Variants in RBBP6 observed in about 807,000 individuals in gnomAD.
RBBP6 encodes the protein E3 ubiquitin-protein ligase RBBP6.
In RBBP6, 25 loss-of-function variants were observed where a neutral mutation model predicts 167.7. The observed-to-expected ratio is 0.15, with a 90% CI of 0.11 to 0.21. The LOEUF (loss-of-function observed/expected upper bound fraction) is 0.21. Ranked by LOEUF, RBBP6 falls within the 10% of genes least tolerant of loss-of-function variation. The pLI is 1.00. For synonymous variants in RBBP6, 789 were observed against 735.8 expected, an observed-to-expected ratio of 1.07 and a Z score of -1.17; for missense variants, 1,868 against 2,134.2, an observed-to-expected ratio of 0.88 and a Z score of 2.46.
intron 4 of RBBP6, 148 bp from the exon 5 acceptor site, chr16:24,555,467 G>A: frequency 1.6e-6 from 1 of 640,396 alleles, no homozygotes; most frequent in Non-Finnish European, 2.7e-6. Context: ...GAATTCCCAA[G>A]TGCCTCTTCC....
In RBBP6 at chr16:24,569,384, T is replaced by C. The variant is rs779879292; in HGVS notation, c.2694T>C (p.Tyr898=). 1.1e-5 allele frequency: 17 copies of C among 1,613,578 alleles called. No individual in the cohort carries two copies. Among genetic ancestry groups the C allele is most frequent in the Non-Finnish European group, 1.4e-5 (17 of 1,179,966 alleles). The change falls in exon 17 of 18, where the codon TAT becomes TAC. Residue 898 remains tyrosine (Y), a synonymous_variant. Transcript: ENST00000319715. ...SHRSRNIGSN[Y]PEKLSARDGH... Reference sequence around the variant, plus strand: ...GAAGTCGAAACATAGGTAGCAACTATCCAGAAAAGCTTTCAGCAAGAGATG... The same window carrying C: ...GAAGTCGAAACATAGGTAGCAACTACCCAGAAAAGCTTTCAGCAAGAGATG...
Position 24,571,492 on chromosome 16 carries a change from G to A in RBBP6, c.4426G>A (p.Asp1476Asn). The change falls in exon 18 of 18, where the codon GAC becomes AAC. Residue 1476 changes from aspartate (D) to asparagine (N), a missense_variant. Asp to Asn is a conservative substitution (Grantham distance 23). Coordinates refer to ENST00000319715, the MANE Select transcript of RBBP6 (RefSeq NM_006910.5). ...CACTCCCAATAGAGACAAAAAAACTGACTATGACACCAGAGAGTATTCAAG... is the reference window on the plus strand; with the variant it reads ...CACTCCCAATAGAGACAAAAAAACTAACTATGACACCAGAGAGTATTCAAG... ...DFTPNRDKKT[D>N]YDTREYSSSK... 1.2e-6 allele frequency: 2 copies of A among 1,612,406 alleles called. No homozygotes were observed. Among genetic ancestry groups the A allele is most frequent in the East Asian group, 4.5e-5 (2 of 44,858 alleles).
chr16:24,559,309 G>A (rs1238164008), intron 7 of RBBP6, among the ~76,000 whole-genome samples, 196 bp from the exon 8 acceptor site: 7 of 151,870 alleles, frequency 4.6e-5, no homozygotes, highest in Non-Finnish European at 1.0e-4. Context: ...TTTTTGTTAT[G>A]CTTGTTTAGA....
At chr16:24,541,207 A>AAAT in intron 1 of RBBP6, among the ~76,000 whole-genome samples, 1 of 148,848 alleles carries the variant, frequency 6.7e-6, no homozygotes, top group South Asian at 2.1e-4. Flanking sequence ...AAAAAAACCA[A>AAAT]AAAAACAATT....
Position 24,563,262 on chromosome 16 carries a change from C to G in RBBP6, c.1353C>G (p.Ser451=). The change falls in exon 11 of 18, where the codon TCC becomes TCG. Residue 451 remains serine (S), a synonymous_variant. Coordinates refer to ENST00000319715, the MANE Select transcript of RBBP6 (RefSeq NM_006910.5). ...CATCAGAGCACTCAAAGGGAACCTC[C>G]TCAATTGCAATTACCGCTCTTATGG... ...ALASEHSKGT[S]SIAITALMEE... 6.2e-7 allele frequency: 1 copy of G among 1,611,572 alleles called. No homozygotes were observed. The highest frequency in any genetic ancestry group is 2.2e-5 in the East Asian group (1 of 44,772).
Position 24,572,385 on chromosome 16 carries a change from C to G in RBBP6, c.5319C>G (p.Asn1773Lys). The G allele has an allele frequency of 6.5e-7, 1 of 1,547,764 alleles. No individual in the cohort carries two copies. Among genetic ancestry groups the G allele is most frequent in the Non-Finnish European group, 8.7e-7 (1 of 1,145,854 alleles). ...ACAAGAAAAAGAAGTCAAAGAAGAA[C>G]AAAGATAAAGAGAAGGAGAAGGAGA... is the stretch of plus-strand genomic sequence containing the variant. ...HKHKKKKSKK[N>K]KDKEKEKEKD... Residue 1773 changes from asparagine to lysine, a missense_variant, in exon 18 of 18, where the codon AAC (asparagine) becomes AAG (lysine). Physicochemically the swap from Asn to Lys is moderately conservative, Grantham distance 94. This residue lies in a region of RBBP6 where 591 missense variants were observed against 540.5 expected (regional missense o/e 1.09). Transcript: ENST00000319715.
chr16:24,571,060 G>C lies in RBBP6; in HGVS notation c.3994G>C (p.Asp1332His). 6.2e-7 allele frequency: 1 copy of C among 1,611,682 alleles called. No homozygotes were observed. The highest frequency in any genetic ancestry group is 8.5e-7 in the Non-Finnish European group (1 of 1,178,056). ...AGATGACTTTGAATCTGAAGAAGAA[G>C]ATGTTAAATCCACACAGCCTATATC... Reference protein sequence around the residue: ...DKDDFESEEEDVKSTQPISSV... With the variant: ...DKDDFESEEEHVKSTQPISSV... Residue 1332 changes from aspartate (D) to histidine (H), a missense_variant, in exon 18 of 18, where the codon GAT becomes CAT. By Grantham distance (81) the Asp-to-His change is moderately conservative. Around this residue, in one of 7 missense-constraint regions of RBBP6, gnomAD observed 591 missense variants for 540.5 expected, o/e 1.09. Transcript: ENST00000319715.
rs547009512 is a variant in RBBP6, at chr16:24,550,852, G to A, written c.303+1871G>A. On this transcript the variant is annotated intron_variant, in intron 3 of 17. Transcript: ENST00000319715. ...TTTATTTGCTTGGGGTACATTTGCT[G>A]GCATTTAAGATGAGAATATATTCAT... is the stretch of plus-strand genomic sequence containing the variant. Among the ~76,000 whole-genome samples the A allele has an allele frequency of 1.4e-3, 211 of 151,586 alleles. 1 individual carries two copies. The highest frequency in any genetic ancestry group is 6.8e-3 in the Middle Eastern group (2 of 294).
Position 24,569,905 on chromosome 16 carries a change from C to T in RBBP6, c.3215C>T (p.Thr1072Ile). 6.2e-7 allele frequency: 1 copy of T among 1,610,572 alleles called. No homozygotes were observed. The highest frequency in any genetic ancestry group is 1.1e-5 in the South Asian group (1 of 90,058). ...GAGGAGACTCCGAAGACTGACAATA[C>T]TAAATCATCATCTTCCTCTCAGAAG... ...AKEETPKTDN[T>I]KSSSSSQKDE... The change falls in exon 17 of 18, where the codon ACT becomes ATT. Residue 1072 changes from threonine (T) to isoleucine (I), a missense_variant. This residue lies in a region of RBBP6 where 673 missense variants were observed against 691.5 expected (regional missense o/e 0.97). Transcript: ENST00000319715.
chr16:24,550,996 ATG>A (rs1898782808), intron 3 of RBBP6, among the ~76,000 whole-genome samples: 1 of 151,916 alleles, frequency 6.6e-6, no homozygotes, highest in African/African-American at 2.4e-5. Flanking sequence ...AGTAAAGTAA[ATG>A]TATAGTTTTG....
rs1278815298 is a variant in RBBP6 at position 24,555,817 on chromosome 16, T to A, written c.438-4T>A. Reference sequence around the variant, plus strand: ...ATACATGTAATTTTTTTTCCCCCTTTTAGTTACATGAAGAAACCTCTAGGT... The same window carrying A: ...ATACATGTAATTTTTTTTCCCCCTTATAGTTACATGAAGAAACCTCTAGGT... On this transcript the variant is annotated splice_region_variant and splice_polypyrimidine_tract_variant and intron_variant, in intron 5 of 17. Transcript: ENST00000319715. The A allele has an allele frequency of 6.2e-7, 1 of 1,603,540 alleles. No individual in the cohort carries two copies. The highest frequency in any genetic ancestry group is 8.5e-7 in the Non-Finnish European group (1 of 1,170,554).
intron 1 of RBBP6, among the ~76,000 whole-genome samples, chr16:24,543,601 G>A (rs1301845470): frequency 1.3e-5 from 2 of 152,080 alleles, no homozygotes; most frequent in Non-Finnish European, 2.9e-5. Flanking sequence ...ACTGTGCCTG[G>A]CATAGGACCC....
In RBBP6 at chr16:24,562,082, TCTG is replaced by T. The variant is rs1225048973; in HGVS notation, c.1213_1215del (p.Ala405del). ...CCCTCCTGTGTCTGGAAATCCGTCT[TCTG>T]CTCCAGCTCCTGTACCTGATATAAC... On this transcript the variant is annotated inframe_deletion, in exon 10 of 18. Coordinates refer to ENST00000319715, the MANE Select transcript of RBBP6 (RefSeq NM_006910.5). 1.2e-6 allele frequency: 2 copies of T among 1,613,572 alleles called. No homozygotes were observed. The highest frequency in any genetic ancestry group is 2.2e-5 in the East Asian group (1 of 44,890).
chr16:24,547,675 C>G (rs780615548), intron 2 of RBBP6, among the ~76,000 whole-genome samples: 2 of 152,134 alleles, frequency 1.3e-5, no homozygotes, highest in Non-Finnish European at 2.9e-5. Flanking sequence ...CGGCTGGTTT[C>G]AAACTCCTGA....
At chr16:24,564,688 A>G (rs535251194) in intron 13 of RBBP6, 109 bp from the exon 14 acceptor site, 1 of 1,364,012 alleles carries the variant, frequency 7.3e-7, no homozygotes, top group South Asian at 2.0e-5. Context: ...GGGAGTAGGA[A>G]AAAGTTTTCA....
chr16:24,561,764 A>G, intron 9 of RBBP6, 49 bp downstream of exon 9: 1 of 1,606,462 alleles, frequency 6.2e-7, no homozygotes, highest in Non-Finnish European at 8.5e-7. Flanking sequence ...AACTGATTTA[A>G]CTGTACTTCA....
rs1899172469 is a variant in RBBP6, at chr16:24,565,459, A to G, written c.1589+594A>G. ...ATCCTTGGCCTGTTAGGAACTGGGCAACACAGCAGGAGGTGAACAGCAGCT... is the reference window on the plus strand; with the variant it reads ...ATCCTTGGCCTGTTAGGAACTGGGCGACACAGCAGGAGGTGAACAGCAGCT... On this transcript the variant is annotated intron_variant, in intron 14 of 17. Transcript: ENST00000319715. 2.0e-5 allele frequency among the ~76,000 whole-genome samples: 3 copies of G among 152,360 alleles called. No individual in the cohort carries two copies. The East Asian group carries it at 5.8e-4, about 29-fold the overall frequency.
In RBBP6 at chr16:24,569,277, G is replaced by C; in HGVS notation, c.2587G>C (p.Glu863Gln). The C allele has an allele frequency of 6.2e-7, 1 of 1,612,320 alleles. No individual in the cohort carries two copies. Among genetic ancestry groups the C allele is most frequent in the Non-Finnish European group, 8.5e-7 (1 of 1,179,600 alleles). ...PSANRENFSPERFLPLNIRNS... is the reference protein window; with the variant it reads ...PSANRENFSPQRFLPLNIRNS... ...AGCAAATAGAGAGAACTTTTCTCCA[G>C]AGAGATTTTTGCCACTTAACATCAG... Residue 863 changes from glutamate to glutamine, a missense_variant, in exon 17 of 18, where the codon GAG (glutamate) becomes CAG (glutamine). This residue lies in a region of RBBP6 where 673 missense variants were observed against 691.5 expected (regional missense o/e 0.97). Coordinates refer to ENST00000319715, the MANE Select transcript of RBBP6 (RefSeq NM_006910.5).
At position 24,572,289 on chromosome 16, in the gene RBBP6, TAAA is replaced by T; in HGVS notation, c.5226_5228del (p.Lys1743del). ...AGGAAAAGAAAAAACACAAGAAACATAAAAAGCATAAGAAGCATAAGAAACATG... is the reference window on the plus strand; with the variant it reads ...AGGAAAAGAAAAAACACAAGAAACATAAGCATAAGAAGCATAAGAAACATG... On this transcript the variant is annotated inframe_deletion, in exon 18 of 18. Coordinates refer to ENST00000319715, the MANE Select transcript of RBBP6 (RefSeq NM_006910.5). 1 of 1,597,014 alleles carries T rather than the reference TAAA, an allele frequency of 6.3e-7. No homozygotes were observed. The highest frequency in any genetic ancestry group is 8.5e-7 in the Non-Finnish European group (1 of 1,171,794).
Sources: allele counts gnomAD v4.1 joint callset (sites outside exome capture counted in the v4.1 genomes callset), GRCh38; gene constraint gnomAD v4.1.1; regional missense constraint gnomAD v4.1.1; transcripts MANE v1.5; gene names NCBI Gene and HGNC (gene_info 2026-07-23, HGNC 2026-07-21).